The following VTI1A variants were observed in gnomAD, a reference collection of about 807,000 sequenced individuals.
VTI1A encodes the protein vesicle transport through interaction with t-SNAREs homolog 1A.
Under a neutral mutation model 34.9 loss-of-function variants are expected in VTI1A, and 22 were observed. The observed-to-expected ratio is 0.63, with a 90% CI of 0.45 to 0.90. The LOEUF (loss-of-function observed/expected upper bound fraction) is 0.90. VTI1A is among the 40% of genes least tolerant of loss of function. VTI1A has a pLI of 0.00. For synonymous variants in VTI1A, 87 were observed against 97.3 expected, an observed-to-expected ratio of 0.89 and a Z score of 0.62; for missense variants, 268 against 275.6, an observed-to-expected ratio of 0.97 and a Z score of 0.20.
At chr10:112,510,701 A>T (rs1321978860) in intron 3 of VTI1A, among the ~76,000 whole-genome samples, 4 of 152,172 alleles carry the variant, frequency 2.6e-5, no homozygotes, top group African/African-American at 4.8e-5. Flanking sequence ...AAAAGAATTC[A>T]TACTTCATTG....
chr10:112,813,109 G>T (rs1564935602), intron 7 of VTI1A, among the ~76,000 whole-genome samples: 1 of 152,226 alleles, frequency 6.6e-6, no homozygotes, highest in East Asian at 1.9e-4. Flanking sequence ...AGTCCACACA[G>T]GTTGGGCCCT....
At chr10:112,591,577 T>C (rs1018916939) in intron 5 of VTI1A, among the ~76,000 whole-genome samples, 25 of 152,188 alleles carry the variant, frequency 1.6e-4, no homozygotes, top group African/African-American at 6.0e-4. Flanking sequence ...AATTGTGTAC[T>C]GTTTAATTGT....
At chr10:112,701,969 T>C (rs983753071) in intron 7 of VTI1A, among the ~76,000 whole-genome samples, 1 of 152,184 alleles carries the variant, frequency 6.6e-6, no homozygotes. Context: ...ATTTCTACTC[T>C]TGCAGCATGA....
At chr10:112,646,407 T>A (rs943641050) in intron 5 of VTI1A, among the ~76,000 whole-genome samples, 19 of 152,206 alleles carry the variant, frequency 1.2e-4, no homozygotes, top group South Asian at 1.2e-3. Context: ...GATATCCACA[T>A]CATTATGGGG....
At chr10:112,749,500 G>A (rs1373183759) in intron 7 of VTI1A, among the ~76,000 whole-genome samples, 1 of 152,208 alleles carries the variant, frequency 6.6e-6, no homozygotes, top group Non-Finnish European at 1.5e-5. Context: ...TGTAAGACAG[G>A]GAGGAAACTC....
chr10:112,721,637 T>C (rs1337927465), intron 7 of VTI1A, among the ~76,000 whole-genome samples: 1 of 152,180 alleles, frequency 6.6e-6, no homozygotes, highest in Non-Finnish European at 1.5e-5. Flanking sequence ...GGCTCCCATG[T>C]AGTCCTGTGT....
At chr10:112,612,839 A>G (rs1845369709) in intron 5 of VTI1A, among the ~76,000 whole-genome samples, 1 of 152,222 alleles carries the variant, frequency 6.6e-6, no homozygotes, top group Non-Finnish European at 1.5e-5. Flanking sequence ...GCATTTTCCT[A>G]TCTTGACAAT....
chr10:112,500,465 AAAAG>A (rs1430875211), intron 3 of VTI1A, among the ~76,000 whole-genome samples: 1 of 152,182 alleles, frequency 6.6e-6, no homozygotes, highest in Non-Finnish European at 1.5e-5. Flanking sequence ...AAAGAAAAAA[AAAAG>A]AAAATTGTTG....
rs1299483126 is a variant in VTI1A, at chr10:112,811,710, A to ATG, written c.561-3580_561-3579insTG. Among the ~76,000 whole-genome samples the ATG allele has an allele frequency of 1.3e-4, 2 of 15,286 alleles. 1 individual carries two copies. The highest frequency in any genetic ancestry group is 5.8e-3 in the South Asian group (2 of 344). 10.0% of individuals were successfully genotyped at this position (15,286 alleles called of 152,430 possible). A position where few individuals can be genotyped will look rare whatever the true frequency, so the allele number is the denominator to read the frequency against. The stretch of plus-strand genomic sequence containing the variant: ...AAAAAAAAAAAAAAAAAAAAAAAAA[A>ATG]AAGAGTGCAGTCCATGCCTGGAAGT... On this transcript the variant is annotated intron_variant, in intron 7 of 7. Transcript: ENST00000393077.
At chr10:112,537,050 G>A (rs1000881755) in intron 4 of VTI1A, among the ~76,000 whole-genome samples, 3 of 151,798 alleles carry the variant, frequency 2.0e-5, no homozygotes, top group Admixed American at 6.6e-5. Context: ...AAGGTAGATC[G>A]TTTCGCTCGA....
intron 5 of VTI1A, among the ~76,000 whole-genome samples, chr10:112,564,415 A>G (rs1454595136): frequency 6.6e-6 from 1 of 151,686 alleles, no homozygotes; most frequent in Non-Finnish European, 1.5e-5. Flanking sequence ...AATTGATCAG[A>G]CTTCTACTGT....
intron 5 of VTI1A, among the ~76,000 whole-genome samples, chr10:112,564,608 T>A (rs759809161): frequency 2.2e-4 from 34 of 152,166 alleles, no homozygotes; most frequent in Non-Finnish European, 7.4e-5. Context: ...CCCCTTTTTT[T>A]AAATAATGGA....
At chr10:112,618,524 T>TATATATATATATATATATAGAG (rs748276058) in intron 5 of VTI1A, among the ~76,000 whole-genome samples, 1 of 34,580 alleles carries the variant, frequency 2.9e-5, no homozygotes, top group Non-Finnish European at 4.4e-5. Context: ...TATATATATA[T>TATATATATATATATATATAGAG]AGAGAGAGAG....
chr10:112,659,203 C>A (rs780990217), intron 5 of VTI1A, among the ~76,000 whole-genome samples: 1 of 152,090 alleles, frequency 6.6e-6, no homozygotes, highest in African/African-American at 2.4e-5. Context: ...TAAGTAAATA[C>A]GTGTTTGGTA....
chr10:112,495,202 T>TC (rs1429250925), intron 3 of VTI1A, among the ~76,000 whole-genome samples: 2 of 137,064 alleles, frequency 1.5e-5, no homozygotes, highest in African/African-American at 5.2e-5. Flanking sequence ...TGGTCTTTTT[T>TC]TTTTTTTTTT....
At chr10:112,835,490 C>T in the VTI1A span, among the ~76,000 whole-genome samples, 5 of 152,172 alleles carry the variant, frequency 3.3e-5, no homozygotes, top group East Asian at 1.9e-4. Context: ...TTGGAGGGCC[C>T]GCATACTGCA....
chr10:112,834,472 C>G, the VTI1A span, among the ~76,000 whole-genome samples: 975 of 152,312 alleles, frequency 6.4e-3, 11 homozygotes, highest in African/African-American at 0.022. Context: ...ATCCCTAACC[C>G]CCTACCAACC....
At chr10:112,488,317 A>G (rs1040595249) in intron 3 of VTI1A, among the ~76,000 whole-genome samples, 3 of 152,236 alleles carry the variant, frequency 2.0e-5, no homozygotes, top group Non-Finnish European at 2.9e-5. Context: ...GAATAGATGA[A>G]TAAGGTTATC....
intron 7 of VTI1A, among the ~76,000 whole-genome samples, chr10:112,784,060 A>G (rs1257555150): frequency 6.6e-6 from 1 of 152,218 alleles, no homozygotes; most frequent in Non-Finnish European, 1.5e-5. Context: ...AAAGCAGAAC[A>G]TTTAAACACA....
Sources: allele counts gnomAD v4.1 joint callset (sites outside exome capture counted in the v4.1 genomes callset), GRCh38; gene constraint gnomAD v4.1.1; transcripts MANE v1.5; gene names NCBI Gene and HGNC (gene_info 2026-07-23, HGNC 2026-07-21).